UBE2Q2: variants seen among roughly 807,000 people sequenced by gnomAD.
UBE2Q2 encodes the protein ubiquitin conjugating enzyme E2 Q2.
A neutral mutation model predicts 59.9 loss-of-function variants in UBE2Q2; 54 were observed. The ratio of observed to expected loss-of-function variants is 0.90; its 90% CI spans 0.72 to 1.13. The LOEUF (loss-of-function observed/expected upper bound fraction) is 1.13, where lower values mean the gene tolerates loss of function less well. Among genes scored for constraint, UBE2Q2 ranks in the 50% most tolerant of loss-of-function variants. The pLI is 0.00. For synonymous variants in UBE2Q2, 165 were observed against 155.2 expected (o/e 1.06, Z -0.47); for missense variants, 433 against 441.9 (o/e 0.98, Z 0.18).
At chr15:75,874,162 T>C (rs1416288557) in intron 5 of UBE2Q2, among the ~76,000 whole-genome samples, 2 of 152,212 alleles carry the variant, frequency 1.3e-5, no homozygotes, top group African/African-American at 2.4e-5. Context: ...TCATGGGATC[T>C]GTATATTCAA....
intron 3 of UBE2Q2, among the ~76,000 whole-genome samples, chr15:75,864,703 C>G (rs1311345423): frequency 6.7e-6 from 1 of 149,556 alleles, no homozygotes. Context: ...CAAAAGTTTT[C>G]TTTATCTTGA....
intron 3 of UBE2Q2, among the ~76,000 whole-genome samples, chr15:75,865,178 C>G (rs1897395570): frequency 6.6e-6 from 1 of 152,238 alleles, no homozygotes; most frequent in Admixed American, 6.5e-5. Context: ...GATCACTGTT[C>G]CTCTGTGCAC....
chr15:75,862,948 G>A (rs570454437), intron 3 of UBE2Q2, among the ~76,000 whole-genome samples: 1 of 151,962 alleles, frequency 6.6e-6, no homozygotes, highest in East Asian at 1.9e-4. Context: ...TTATCTCCTG[G>A]TGCAATCATA....
At chr15:75,898,857 A>G (rs1899585722) in intron 12 of UBE2Q2, among the ~76,000 whole-genome samples, 1 of 152,208 alleles carries the variant, frequency 6.6e-6, no homozygotes, top group Non-Finnish European at 1.5e-5. Flanking sequence ...TAGAGATGCC[A>G]TTAATACAGA....
chr15:75,860,037 G>A, intron 3 of UBE2Q2, 55 bp downstream of exon 3: 1 of 1,228,644 alleles, frequency 8.1e-7, no homozygotes, highest in Admixed American at 2.3e-5. Context: ...TCAAGCAAAA[G>A]TCAAACTAGG....
intron 10 of UBE2Q2, 84 bp from the exon 11 acceptor site, chr15:75,890,835 T>G: frequency 8.9e-7 from 1 of 1,128,994 alleles, no homozygotes; most frequent in Non-Finnish European, 1.3e-6. Flanking sequence ...TTGCTGCTGT[T>G]GAGTTATATA....
chr15:75,846,666 A>G (rs1302446704), intron 1 of UBE2Q2, among the ~76,000 whole-genome samples: 1 of 152,192 alleles, frequency 6.6e-6, no homozygotes, highest in Admixed American at 6.5e-5. Context: ...GTTATTCTCT[A>G]AAGTTGTAAC....
rs761918322 is a variant in UBE2Q2 at position 75,891,021 on chromosome 15, C to G, written c.1029+7C>G. 6.2e-6 allele frequency: 10 copies of G among 1,605,308 alleles called. No individual in the cohort carries two copies. The African/African-American group carries it at 1.3e-4, about 21-fold the overall frequency. On this transcript the variant is annotated splice_region_variant and intron_variant, in intron 11 of 12. Transcript: ENST00000267938. ...GCAGTTTGGAGCAAATAAGGTACTT[C>G]TGTTAAGAATTTTACATAAACCATA...
intron 9 of UBE2Q2, among the ~76,000 whole-genome samples, chr15:75,884,197 A>T (rs1255999984): frequency 3.3e-5 from 5 of 152,252 alleles, no homozygotes; most frequent in African/African-American, 1.2e-4. Flanking sequence ...TGAGCAGTTT[A>T]ACTTGAGAAT....
intron 2 of UBE2Q2, among the ~76,000 whole-genome samples, chr15:75,858,277 C>T (rs1298418288): frequency 3.3e-5 from 5 of 152,302 alleles, no homozygotes; most frequent in Non-Finnish European, 2.9e-5. Flanking sequence ...TAGGGAATCT[C>T]ACTTACAGTG....
chr15:75,855,982 G>GT (rs1278689088), intron 2 of UBE2Q2, among the ~76,000 whole-genome samples: 1 of 152,058 alleles, frequency 6.6e-6, no homozygotes, highest in Admixed American at 6.5e-5. Flanking sequence ...GAGCTCATGA[G>GT]TTTAAGACCA....
At chr15:75,883,326 T>C (rs549347076) in intron 8 of UBE2Q2, 40 bp from the exon 9 acceptor site, 2 of 1,535,046 alleles carry the variant, frequency 1.3e-6, no homozygotes, top group Admixed American at 1.7e-5. Flanking sequence ...ACACTAAGGA[T>C]GTTCTTTAAA....
In UBE2Q2 at chr15:75,859,924, A is replaced by G. The variant is rs1347710358; in HGVS notation, c.329A>G (p.Tyr110Cys). Reference sequence around the variant, plus strand: ...TTGATATGTGAACTCTGCAGTTTATATAACCTTCCTAAGCACCTGGATGTT... The same window carrying G: ...TTGATATGTGAACTCTGCAGTTTATGTAACCTTCCTAAGCACCTGGATGTT... Reference protein sequence around the residue: ...KWLICELCSLYNLPKHLDVEM... With the variant: ...KWLICELCSLCNLPKHLDVEM... Residue 110 changes from tyrosine to cysteine, a missense_variant, in exon 3 of 13, where the codon TAT (tyrosine) becomes TGT (cysteine). Transcript: ENST00000267938. 1.2e-6 allele frequency: 2 copies of G among 1,604,620 alleles called. No homozygotes were observed. The highest frequency in any genetic ancestry group is 1.7e-4 in the Middle Eastern group (1 of 6,048).
chr15:75,870,642 G>A (rs1195020779), intron 4 of UBE2Q2, among the ~76,000 whole-genome samples: 1 of 152,158 alleles, frequency 6.6e-6, no homozygotes, highest in East Asian at 1.9e-4. Flanking sequence ...GTCAGATTAG[G>A]ACAAGTGGAA....
intron 4 of UBE2Q2, among the ~76,000 whole-genome samples, chr15:75,869,441 A>T (rs183517279): frequency 5.6e-4 from 86 of 152,330 alleles, no homozygotes; most frequent in Admixed American, 1.4e-3. Context: ...ATTTTGTCTT[A>T]ATCTGGTTTA....
At chr15:75,846,310 C>T (rs887133801) in intron 1 of UBE2Q2, among the ~76,000 whole-genome samples, 1 of 152,094 alleles carries the variant, frequency 6.6e-6, no homozygotes, top group Admixed American at 6.5e-5. Flanking sequence ...TGACCTGGGC[C>T]CACTGCAACC....
chr15:75,856,733 G>A (rs1297400493), intron 2 of UBE2Q2, among the ~76,000 whole-genome samples: 1 of 152,036 alleles, frequency 6.6e-6, no homozygotes, highest in Non-Finnish European at 1.5e-5. Context: ...CAGTTGAGGT[G>A]GGGAGTTCAA....
At chr15:75,848,155 G>A (rs747418974) in intron 1 of UBE2Q2, among the ~76,000 whole-genome samples, 9 of 152,154 alleles carry the variant, frequency 5.9e-5, no homozygotes, top group Admixed American at 3.9e-4. Context: ...ATAGAGGAAA[G>A]CTCTTTGGCA....
rs1205601372 is a variant in UBE2Q2 at position 75,854,490 on chromosome 15, A to T, written c.282+3A>T. The T allele has an allele frequency of 1.9e-6, 3 of 1,592,984 alleles. No homozygotes were observed. The highest frequency in any genetic ancestry group is 2.2e-5 in the East Asian group (1 of 44,576). ...AAGATACTAAGAACAACAATTTGGTAAGAAAATAAGCCAAGCTATTTTCTC... is the reference window on the plus strand; with the variant it reads ...AAGATACTAAGAACAACAATTTGGTTAGAAAATAAGCCAAGCTATTTTCTC... On this transcript the variant is annotated splice_donor_region_variant and intron_variant, in intron 2 of 12. Transcript: ENST00000267938.
Sources: allele counts gnomAD v4.1 joint callset (sites outside exome capture counted in the v4.1 genomes callset), GRCh38; gene constraint gnomAD v4.1.1; transcripts MANE v1.5; gene names NCBI Gene and HGNC (gene_info 2026-07-23, HGNC 2026-07-21).